C1QTNF3: variants seen among roughly 807,000 people sequenced by gnomAD.
C1QTNF3 encodes complement C1q tumor necrosis factor-related protein 3.
A neutral mutation model predicts 32.6 loss-of-function variants in C1QTNF3; 26 were observed. The observed-to-expected ratio is 0.80, with a 90% CI of 0.58 to 1.11. The LOEUF (loss-of-function observed/expected upper bound fraction) is 1.11. Among genes scored for constraint, C1QTNF3 ranks in the 50% least tolerant of loss-of-function variants. The pLI is 0.00. For missense variants in C1QTNF3, 362 were observed against 398.2 expected (o/e 0.91, Z 0.77); for synonymous variants, 155 against 146.0 (o/e 1.06, Z -0.44).
intron 4 of C1QTNF3, among the ~76,000 whole-genome samples, chr5:34,026,202 A>C (rs1321743619): frequency 1.3e-5 from 2 of 152,212 alleles, no homozygotes; most frequent in African/African-American, 4.8e-5. Flanking sequence ...AATGCCCCTG[A>C]GGGTGGACAG....
chr5:34,170,993 T>C, the C1QTNF3 span, among the ~76,000 whole-genome samples: 1 of 152,146 alleles, frequency 6.6e-6, no homozygotes, highest in Non-Finnish European at 1.5e-5. Flanking sequence ...ATTAGACATA[T>C]GATGGTTAAA....
At chr5:34,213,777 G>GTATATATATATATA in the C1QTNF3 span, among the ~76,000 whole-genome samples, 1 of 26,534 alleles carries the variant, frequency 3.8e-5, no homozygotes, top group East Asian at 1.2e-3. Context: ...ACACATACGT[G>GTATATATATATATA]TATATATACA....
At chr5:34,107,863 A>G in the C1QTNF3 span, among the ~76,000 whole-genome samples, 1 of 152,044 alleles carries the variant, frequency 6.6e-6, no homozygotes, top group Admixed American at 6.6e-5. Flanking sequence ...AGCACAAAAT[A>G]CTCAAGACTT....
chr5:34,242,448 C>T, the C1QTNF3 span, among the ~76,000 whole-genome samples: 3 of 152,084 alleles, frequency 2.0e-5, no homozygotes, highest in Non-Finnish European at 1.5e-5. Flanking sequence ...TGGGATAATT[C>T]GCTAGCCATA....
chr5:34,125,626 T>C, the C1QTNF3 span, among the ~76,000 whole-genome samples: 2 of 152,042 alleles, frequency 1.3e-5, no homozygotes, highest in Non-Finnish European at 2.9e-5. Context: ...TGTCTGCACA[T>C]TTCTAAACAT....
the C1QTNF3 span, among the ~76,000 whole-genome samples, chr5:34,061,486 G>A: frequency 6.6e-6 from 1 of 152,200 alleles, no homozygotes; most frequent in African/African-American, 2.4e-5. Flanking sequence ...GGTTCTCCAT[G>A]AGGGCCCCAC....
At chr5:34,214,061 C>T in the C1QTNF3 span, among the ~76,000 whole-genome samples, 14 of 150,396 alleles carry the variant, frequency 9.3e-5, no homozygotes, top group Admixed American at 2.0e-4. Context: ...TCTACCCCCT[C>T]GGCCTCCCAA....
chr5:34,110,934 A>C, the C1QTNF3 span, among the ~76,000 whole-genome samples: 1 of 152,174 alleles, frequency 6.6e-6, no homozygotes, highest in Non-Finnish European at 1.5e-5. Context: ...AATTATTAGA[A>C]GATTCAATGA....
chr5:34,103,195 GT>G, the C1QTNF3 span, among the ~76,000 whole-genome samples: 2 of 152,062 alleles, frequency 1.3e-5, no homozygotes, highest in Non-Finnish European at 2.9e-5. Flanking sequence ...CTATTCCTGT[GT>G]TTTGCTGGGT....
the C1QTNF3 span, among the ~76,000 whole-genome samples, chr5:34,056,477 TATAG>T: frequency 2.6e-3 from 231 of 87,244 alleles, 1 homozygote; most frequent in African/African-American, 4.4e-3. Flanking sequence ...TATATATATA[TATAG>T]AGAGAGAGAG....
the C1QTNF3 span, among the ~76,000 whole-genome samples, chr5:34,198,579 C>A: frequency 1.4e-5 from 1 of 71,546 alleles, no homozygotes; most frequent in Non-Finnish European, 2.7e-5. Flanking sequence ...AAAATTAAAA[C>A]CCTAGCCTTT....
chr5:34,026,871 T>C (rs1754473268), intron 4 of C1QTNF3, among the ~76,000 whole-genome samples: 1 of 152,208 alleles, frequency 6.6e-6, no homozygotes, highest in Non-Finnish European at 1.5e-5. Context: ...GCCATGAATT[T>C]ATACTAATAA....
the C1QTNF3 span, among the ~76,000 whole-genome samples, chr5:34,220,926 T>C: frequency 2.2e-4 from 34 of 152,072 alleles, no homozygotes; most frequent in African/African-American, 8.0e-4. Flanking sequence ...TCTCCATTCA[T>C]GTTTGCATGT....
chr5:34,155,113 AT>A, the C1QTNF3 span, among the ~76,000 whole-genome samples: 1 of 152,192 alleles, frequency 6.6e-6, no homozygotes, highest in African/African-American at 2.4e-5. Flanking sequence ...TTTCTTTAAA[AT>A]TACAAAATAG....
At chr5:34,184,587 G>C in the C1QTNF3 span, among the ~76,000 whole-genome samples, 1 of 152,284 alleles carries the variant, frequency 6.6e-6, no homozygotes, top group African/African-American at 2.4e-5. Flanking sequence ...GGTGGCGGGC[G>C]CCTGTAATCC....
chr5:34,021,905 C>T (rs1416779732), intron 5 of C1QTNF3, among the ~76,000 whole-genome samples: 1 of 152,190 alleles, frequency 6.6e-6, no homozygotes, highest in Non-Finnish European at 1.5e-5. Flanking sequence ...ACATTCTGCA[C>T]ATGTATCCTG....
At chr5:34,065,390 G>A in the C1QTNF3 span, among the ~76,000 whole-genome samples, 1 of 152,184 alleles carries the variant, frequency 6.6e-6, no homozygotes, top group Non-Finnish European at 1.5e-5. Flanking sequence ...AACAGGCCAT[G>A]CATGGTGGCT....
the C1QTNF3 span, among the ~76,000 whole-genome samples, chr5:34,143,951 T>A: frequency 6.6e-6 from 1 of 152,138 alleles, no homozygotes; most frequent in African/African-American, 2.4e-5. Flanking sequence ...TGAGTTTAAA[T>A]GGATTAAACA....
the C1QTNF3 span, among the ~76,000 whole-genome samples, chr5:34,233,702 GT>G: frequency 0.88 from 129,612 of 147,846 alleles, 58,169 homozygotes; most frequent in Non-Finnish European, 0.98. Context: ...CAGGACATGC[GT>G]TTTTTTTTTT....
Sources: gnomAD v4.1 joint callset for allele counts (sites outside exome capture counted in the v4.1 genomes callset) on GRCh38, gnomAD v4.1.1 for gene constraint, MANE v1.5 for transcripts, NCBI Gene and HGNC (gene_info 2026-07-23, HGNC 2026-07-21) for gene names.